NAALADL2: variants seen among roughly 807,000 people sequenced by gnomAD.
NAALADL2 encodes N-acetylated alpha-linked acidic dipeptidase like 2, also known as inactive N-acetylated-alpha-linked acidic dipeptidase-like protein 2.
Under a neutral mutation model 87.2 loss-of-function variants are expected in NAALADL2, and 76 were observed. The ratio of observed to expected loss-of-function variants is 0.87; its 90% CI spans 0.72 to 1.05. The LOEUF is 1.05. NAALADL2 is among the 50% of genes least tolerant of loss of function. NAALADL2 has a pLI of 0.00. For missense variants in NAALADL2, 1,089 were observed against 945.8 expected (o/e 1.15, Z -1.99); for synonymous variants, 354 against 331.0 (o/e 1.07, Z -0.75).
At chr3:174,751,524 G>A (rs184304154) in intron 3 of NAALADL2, among the ~76,000 whole-genome samples, 16 of 151,938 alleles carry the variant, frequency 1.1e-4, no homozygotes, top group African/African-American at 3.6e-4. Context: ...TTAGCCAGGC[G>A]TGGTGGCACA....
At chr3:175,168,640 A>G (rs1734332253) in intron 2 of NAALADL2, among the ~76,000 whole-genome samples, 1 of 151,882 alleles carries the variant, frequency 6.6e-6, no homozygotes, top group South Asian at 2.1e-4. Flanking sequence ...ATGTAAATAT[A>G]TCAATATCAA....
At chr3:174,890,999 TATAG>T (rs879627523) in intron 1 of NAALADL2, among the ~76,000 whole-genome samples, 96 of 152,166 alleles carry the variant, frequency 6.3e-4, no homozygotes, top group African/African-American at 2.0e-3. Context: ...CTCTTCTAAA[TATAG>T]ATACTTAACT....
chr3:174,892,368 G>A (rs763654064), intron 1 of NAALADL2, among the ~76,000 whole-genome samples: 2 of 151,994 alleles, frequency 1.3e-5, no homozygotes, highest in African/African-American at 2.4e-5. Context: ...TAAATTAAAC[G>A]AAGATATTGA....
upstream of NAALADL2, among the ~76,000 whole-genome samples, chr3:174,856,504 G>T (rs1725879376): frequency 6.6e-6 from 1 of 152,216 alleles, no homozygotes; most frequent in African/African-American, 2.4e-5. Context: ...TCATCCGTAT[G>T]TCCAGTTTAT....
chr3:175,682,951 A>C (rs1735787985), intron 11 of NAALADL2, among the ~76,000 whole-genome samples: 1 of 152,052 alleles, frequency 6.6e-6, no homozygotes, highest in Non-Finnish European at 1.5e-5. Context: ...AATTAAAAGG[A>C]GAGATCTCAA....
chr3:175,063,800 G>A (rs77545870), intron 1 of NAALADL2, among the ~76,000 whole-genome samples: 3 of 151,886 alleles, frequency 2.0e-5, no homozygotes, highest in Non-Finnish European at 2.9e-5. Flanking sequence ...TTTTTGGAAG[G>A]ATTTGTTCCT....
rs1028196743 is a variant in NAALADL2, at chr3:175,142,356, C to T, written c.545+45065C>T. Among the ~76,000 whole-genome samples, 48 of 151,976 alleles carry T rather than the reference C, an allele frequency of 3.2e-4. 2 individuals carry two copies. Among genetic ancestry groups the T allele is most frequent in the Admixed American group, 3.2e-3 (48 of 15,232 alleles). ...TTTTATTTTCAAATGTGCTTTTGCT[C>T]ATCTATAGACGTACTCCCCTGACTT... On this transcript the variant is annotated intron_variant, in intron 2 of 13. Coordinates refer to ENST00000454872, the MANE Select transcript of NAALADL2 (RefSeq NM_207015.3).
chr3:174,889,317 C>T (rs1730583785), intron 1 of NAALADL2, among the ~76,000 whole-genome samples: 1 of 151,958 alleles, frequency 6.6e-6, no homozygotes. Flanking sequence ...GTTTATAATC[C>T]TTGCTGTTTT....
intron 4 of NAALADL2, among the ~76,000 whole-genome samples, chr3:175,267,047 G>T (rs1156579699): frequency 7.0e-6 from 1 of 143,652 alleles, no homozygotes. Context: ...AAAAAAAAAA[G>T]TGTGCTAATT....
chr3:174,966,114 A>G (rs929922542), intron 1 of NAALADL2, among the ~76,000 whole-genome samples: 6 of 152,144 alleles, frequency 3.9e-5, no homozygotes, highest in Non-Finnish European at 7.4e-5. Context: ...AATTATTATA[A>G]TAGTTACCCC....
rs3040495 is a variant in NAALADL2, at chr3:175,475,024, T to TAC, written c.1653+3289_1653+3290dup. ...ATTCTTTCATGCACAAACATTTAAG[T>TAC]ACACACACACACACACACACACACT... On this transcript the variant is annotated intron_variant, in intron 9 of 13. Transcript: ENST00000454872. Among the ~76,000 whole-genome samples the TAC allele has an allele frequency of 8.8e-3, 1,324 of 149,706 alleles. 7 individuals carry two copies. Among genetic ancestry groups the TAC allele is most frequent in the Middle Eastern group, 0.018 (5 of 276 alleles).
At chr3:175,642,458 C>T (rs903701461) in intron 11 of NAALADL2, among the ~76,000 whole-genome samples, 3 of 151,974 alleles carry the variant, frequency 2.0e-5, no homozygotes, top group Non-Finnish European at 4.4e-5. Context: ...TACATATCTT[C>T]CTTTATACAG....
chr3:174,924,116 G>A (rs533515762), intron 1 of NAALADL2, among the ~76,000 whole-genome samples: 5 of 152,124 alleles, frequency 3.3e-5, no homozygotes, highest in African/African-American at 1.2e-4. Flanking sequence ...CAACATGCAA[G>A]TTTATTACAT....
chr3:175,723,373 A>G (rs1053956405), intron 11 of NAALADL2, among the ~76,000 whole-genome samples: 11 of 152,192 alleles, frequency 7.2e-5, no homozygotes, highest in African/African-American at 2.7e-4. Context: ...ACGAGGAAAC[A>G]GAGGCCCATA....
chr3:175,273,580 T>G (rs1753155189), intron 4 of NAALADL2, among the ~76,000 whole-genome samples: 1 of 152,090 alleles, frequency 6.6e-6, no homozygotes, highest in Non-Finnish European at 1.5e-5. Flanking sequence ...CTTAAATACT[T>G]TAATTCTTCG....
At chr3:174,975,167 G>A (rs1744205726) in intron 1 of NAALADL2, among the ~76,000 whole-genome samples, 1 of 152,130 alleles carries the variant, frequency 6.6e-6, no homozygotes, top group Non-Finnish European at 1.5e-5. Context: ...ATTGGATCCT[G>A]TTCCCACTGT....
At chr3:175,165,980 C>T (rs530123655) in intron 2 of NAALADL2, among the ~76,000 whole-genome samples, 2 of 152,006 alleles carry the variant, frequency 1.3e-5, no homozygotes, top group South Asian at 2.1e-4. Context: ...CATTAGTTCT[C>T]CTGCTACCAT....
chr3:175,341,846 A>G (rs930586183), intron 5 of NAALADL2, among the ~76,000 whole-genome samples: 7 of 152,042 alleles, frequency 4.6e-5, no homozygotes, highest in East Asian at 3.9e-4. Flanking sequence ...TAATTTTTGT[A>G]TATGGTATGA....
In NAALADL2 at chr3:175,600,525, CTTTTTTTTT is replaced by C. The variant is rs869212429; in HGVS notation, c.1800+24360_1800+24368del. Among the ~76,000 whole-genome samples, 194 of 61,050 alleles carry C rather than the reference CTTTTTTTTT, an allele frequency of 3.2e-3. 1 individual carries two copies. Among genetic ancestry groups the C allele is most frequent in the African/African-American group, 0.01 (167 of 16,188 alleles). The allele number at this position is 61,050 out of a possible 152,430, so 40.1% of individuals were successfully genotyped here. ...TTTTGTCCCACAAATGTGTCTTAGT[CTTTTTTTTT>C]TTTTTTTTTTTTTTTTTTTTTGAGA... On this transcript the variant is annotated intron_variant, in intron 10 of 13. Coordinates refer to ENST00000454872, the MANE Select transcript of NAALADL2 (RefSeq NM_207015.3).
Sources: allele counts gnomAD v4.1 joint callset (sites outside exome capture counted in the v4.1 genomes callset), GRCh38; gene constraint gnomAD v4.1.1; transcripts MANE v1.5; gene names NCBI Gene and HGNC (gene_info 2026-07-23, HGNC 2026-07-21).